POU3F3: variants seen among roughly 807,000 people sequenced by gnomAD.
The protein encoded by POU3F3 is POU domain, class 3, transcription factor 3.
POU3F3 carries 1 observed loss-of-function variant against 8.6 expected under a neutral mutation model. That is an observed-to-expected ratio of 0.12 (90% CI 0.04 to 0.55). POU3F3 has a LOEUF of 0.55. POU3F3 is among the 20% of genes least tolerant of loss of function. POU3F3 has a pLI of 0.91. For missense variants in POU3F3, 577 were observed against 690.7 expected (o/e 0.84, Z 1.84); for synonymous variants, 418 against 327.4 (o/e 1.28, Z -2.99).
At chr2:104,911,722 A>T in the POU3F3 span, among the ~76,000 whole-genome samples, 1 of 152,054 alleles carries the variant, frequency 6.6e-6, no homozygotes, top group Non-Finnish European at 1.5e-5. Flanking sequence ...AAGAGAAAGG[A>T]CAACTACAAA....
chr2:104,877,363 C>A, the POU3F3 span, among the ~76,000 whole-genome samples: 2 of 152,208 alleles, frequency 1.3e-5, no homozygotes. Flanking sequence ...CAAAGTGTAT[C>A]CTTAACACAC....
chr2:104,871,383 G>C, the POU3F3 span, among the ~76,000 whole-genome samples: 1,541 of 152,262 alleles, frequency 0.01, 38 homozygotes, highest in East Asian at 0.029. Flanking sequence ...TTTGGGGAAG[G>C]AGTGCGGTAA....
chr2:104,893,953 A>G, the POU3F3 span, among the ~76,000 whole-genome samples: 1 of 152,108 alleles, frequency 6.6e-6, no homozygotes, highest in African/African-American at 2.4e-5. Context: ...TAGGTGCTTC[A>G]ATCATGTTAG....
the POU3F3 span, chr2:104,868,245 G>C: frequency 2.2e-6 from 1 of 456,518 alleles, no homozygotes; most frequent in South Asian, 1.5e-5. Flanking sequence ...GCGGTCTCAG[G>C]AGTGGGGCTC....
At chr2:104,916,616 C>A in the POU3F3 span, among the ~76,000 whole-genome samples, 1 of 152,104 alleles carries the variant, frequency 6.6e-6, no homozygotes, top group African/African-American at 2.4e-5. Context: ...GAGGTATACC[C>A]AAGATAGAAG....
At chr2:104,906,937 C>T in the POU3F3 span, among the ~76,000 whole-genome samples, 2 of 152,102 alleles carry the variant, frequency 1.3e-5, no homozygotes, top group African/African-American at 4.8e-5. Context: ...CACAGCTTTC[C>T]ACCAATACTT....
At chr2:104,880,327 A>G in the POU3F3 span, among the ~76,000 whole-genome samples, 1 of 152,140 alleles carries the variant, frequency 6.6e-6, no homozygotes, top group African/African-American at 2.4e-5. Context: ...AGGAGGAGAA[A>G]ACCCTCCCTT....
the POU3F3 span, among the ~76,000 whole-genome samples, chr2:104,892,675 A>ATG: frequency 9.9e-5 from 15 of 150,884 alleles, no homozygotes; most frequent in South Asian, 2.1e-4. Context: ...ATATACACAT[A>ATG]TGTGTGTGTG....
At chr2:104,899,195 A>G in the POU3F3 span, among the ~76,000 whole-genome samples, 1 of 152,236 alleles carries the variant, frequency 6.6e-6, no homozygotes, top group Non-Finnish European at 1.5e-5. Context: ...CACATAAGCG[A>G]CGGATCGGCA....
chr2:104,855,612 TGGCGGC>T lies in POU3F3; in HGVS notation c.117_122del (p.Gly42_Gly43del), dbSNP rs1213851181. 15 of 643,328 alleles carry T rather than the reference TGGCGGC, an allele frequency of 2.3e-5. No homozygotes were observed. The highest frequency in any genetic ancestry group is 7.3e-5 in the South Asian group (1 of 13,768). 39.9% of individuals were successfully genotyped at this position (643,328 alleles called of 1,614,324 possible). A position where few individuals can be genotyped will look rare whatever the true frequency, so the allele number is the denominator to read the frequency against. ...CGGCAGGGGCTGGCGGCGGCGGGGGTGGCGGCGGCGGCGGCGGCGGGGGCGGCGCAG... is the reference window on the plus strand; with the variant it reads ...CGGCAGGGGCTGGCGGCGGCGGGGGTGGCGGCGGCGGCGGGGGCGGCGCAG... On this transcript the variant is annotated inframe_deletion, in exon 1 of 1. Coordinates refer to ENST00000361360, the MANE Select transcript of POU3F3 (RefSeq NM_006236.3).
chr2:104,873,472 C>G, the POU3F3 span, among the ~76,000 whole-genome samples: 2 of 152,138 alleles, frequency 1.3e-5, no homozygotes, highest in Non-Finnish European at 2.9e-5. Context: ...CGACCCGCGA[C>G]GGGGCCACGC....
chr2:104,874,353 G>A, the POU3F3 span, among the ~76,000 whole-genome samples: 3 of 152,294 alleles, frequency 2.0e-5, 1 homozygote, highest in East Asian at 5.8e-4. Flanking sequence ...GGAGGCGCAG[G>A]CCTCCCCGCC....
the POU3F3 span, among the ~76,000 whole-genome samples, chr2:104,895,064 T>C: frequency 6.3e-3 from 1 of 158 alleles, no homozygotes; most frequent in South Asian, 0.25. Context: ...CACAGGTGAG[T>C]GTGTGTGTGT....
In POU3F3 at chr2:104,858,185, T is replaced by C. The variant is rs1173719336; in HGVS notation, c.*1172T>C. 2 of 152,194 alleles carry C rather than the reference T, an allele frequency of 1.3e-5. No homozygotes were observed. The highest frequency in any genetic ancestry group is 6.5e-5 in the Admixed American group (1 of 15,282). The allele number at this position is 152,194 out of a possible 1,614,324, so 9.4% of individuals were successfully genotyped here. A position where few individuals can be genotyped will look rare whatever the true frequency, so the allele number is the denominator to read the frequency against. On this transcript the variant is annotated 3_prime_UTR_variant, in exon 1 of 1. Coordinates refer to ENST00000361360, the MANE Select transcript of POU3F3 (RefSeq NM_006236.3). ...CTCCTCAATCCGTTGCCAACTTTGA[T>C]TGAATGGGTGCTGTGGATGTGATTA...
chr2:104,892,265 A>T, the POU3F3 span, among the ~76,000 whole-genome samples: 4 of 152,084 alleles, frequency 2.6e-5, no homozygotes, highest in Non-Finnish European at 5.9e-5. Flanking sequence ...GCATGGGAAT[A>T]CCTGTTGGCC....
chr2:104,855,651 G>GGGCGGC lies in POU3F3; in HGVS notation c.145_150dup (p.Gly49_Gly50dup). On this transcript the variant is annotated inframe_insertion, in exon 1 of 1. Transcript: ENST00000361360. The stretch of plus-strand genomic sequence containing the variant: ...GCGGCGGGGGCGGCGCAGGGGGCGG[G>GGGCGGC]GGCGGCGGCATGCAGCCGGGCAGCG... The GGGCGGC allele has an allele frequency of 9.9e-7, 1 of 1,005,864 alleles. No individual in the cohort carries two copies. The highest frequency in any genetic ancestry group is 1.8e-5 in the African/African-American group (1 of 57,072). 62.3% of individuals were successfully genotyped at this position (1,005,864 alleles called of 1,614,324 possible).
chr2:104,917,141 G>A, the POU3F3 span, among the ~76,000 whole-genome samples: 206 of 152,338 alleles, frequency 1.4e-3, no homozygotes, highest in Non-Finnish European at 2.0e-3. Flanking sequence ...TGGTTGGGAT[G>A]AGACCCACAC....
At chr2:104,914,918 C>T in the POU3F3 span, among the ~76,000 whole-genome samples, 2 of 152,126 alleles carry the variant, frequency 1.3e-5, no homozygotes, top group African/African-American at 4.8e-5. Context: ...CAGAGGGTGA[C>T]AAAGAGTTGC....
At chr2:104,873,518 C>T in the POU3F3 span, among the ~76,000 whole-genome samples, 2 of 152,184 alleles carry the variant, frequency 1.3e-5, no homozygotes, top group Non-Finnish European at 2.9e-5. Context: ...TGTGGCCAGC[C>T]CCGCGCGCGC....
Sources: gnomAD v4.1 joint callset for allele counts (sites outside exome capture counted in the v4.1 genomes callset) on GRCh38, gnomAD v4.1.1 for gene constraint, MANE v1.5 for transcripts, NCBI Gene and HGNC (gene_info 2026-07-23, HGNC 2026-07-21) for gene names.